SCN10A: variants seen among roughly 807,000 people sequenced by gnomAD.
SCN10A encodes the protein sodium voltage-gated channel alpha subunit 10, also known as sodium channel protein type 10 subunit alpha.
SCN10A carries 162 observed loss-of-function variants against 170.7 expected under a neutral mutation model. That is an observed-to-expected ratio of 0.95 (90% CI 0.84 to 1.08). The LOEUF is 1.08. SCN10A is among the 50% of genes least tolerant of loss of function. SCN10A has a pLI of 0.00. For synonymous variants in SCN10A, 985 were observed against 904.6 expected (o/e 1.09, Z -1.59); for missense variants, 2,527 against 2,436.9 (o/e 1.04, Z -0.78).
intron 17 of SCN10A, among the ~76,000 whole-genome samples, chr3:38,726,349 CT>C (rs1172280322): frequency 6.6e-6 from 1 of 152,186 alleles, no homozygotes; most frequent in Admixed American, 6.5e-5. Flanking sequence ...CATGGGACAG[CT>C]GTGTGAAAGA....
chr3:38,781,392 A>C (rs1322519906), intron 4 of SCN10A, among the ~76,000 whole-genome samples: 2 of 152,232 alleles, frequency 1.3e-5, no homozygotes, highest in East Asian at 3.9e-4. Context: ...AGAAAACTGC[A>C]AGGCCTGCAG....
At chr3:38,796,436 C>A (rs2064342179) in intron 1 of SCN10A, among the ~76,000 whole-genome samples, 1 of 152,076 alleles carries the variant, frequency 6.6e-6, no homozygotes, top group Admixed American at 6.6e-5. Context: ...CTAACCTATT[C>A]TCCAACAGTG....
intron 25 of SCN10A, 98 bp downstream of exon 25, chr3:38,709,380 A>G (rs2063246705): frequency 8.3e-7 from 1 of 1,200,546 alleles, no homozygotes. Context: ...GGCTGTGAGT[A>G]GTGTTGGCTT....
intron 13 of SCN10A, among the ~76,000 whole-genome samples, chr3:38,745,987 A>T (rs935032540): frequency 5.4e-5 from 8 of 148,504 alleles, no homozygotes; most frequent in Non-Finnish European, 1.2e-4. Context: ...ATCCAGTTGC[A>T]TCTTTTCAAA....
intron 20 of SCN10A, among the ~76,000 whole-genome samples, chr3:38,721,418 A>G (rs1374227655): frequency 6.6e-6 from 1 of 152,208 alleles, no homozygotes; most frequent in Non-Finnish European, 1.5e-5. Flanking sequence ...AGAAAATGCA[A>G]ACAACTGAGG....
chr3:38,787,843 C>T (rs374757251), intron 4 of SCN10A, among the ~76,000 whole-genome samples: 1 of 151,332 alleles, frequency 6.6e-6, no homozygotes, highest in African/African-American at 2.4e-5. Flanking sequence ...CTCAACAGGC[C>T]CCAGTGTGTT....
At chr3:38,781,574 C>A (rs544103213) in intron 4 of SCN10A, among the ~76,000 whole-genome samples, 2 of 152,134 alleles carry the variant, frequency 1.3e-5, no homozygotes, top group Non-Finnish European at 2.9e-5. Flanking sequence ...AGCATCTGAA[C>A]AACTTTTTGC....
At chr3:38,733,847 A>G (rs2126007349) in intron 15 of SCN10A, among the ~76,000 whole-genome samples, 1 of 151,788 alleles carries the variant, frequency 6.6e-6, no homozygotes, top group African/African-American at 2.4e-5. Flanking sequence ...CAGCCTCCCA[A>G]GTAGCTGGGA....
At chr3:38,773,151 A>C (rs2064029484) in intron 4 of SCN10A, among the ~76,000 whole-genome samples, 1 of 152,172 alleles carries the variant, frequency 6.6e-6, no homozygotes, top group Non-Finnish European at 1.5e-5. Flanking sequence ...TGGGAAATGT[A>C]CTTCTTAGTT....
intron 1 of SCN10A, among the ~76,000 whole-genome samples, chr3:38,812,446 T>C: frequency 6.6e-6 from 1 of 152,134 alleles, no homozygotes; most frequent in East Asian, 1.9e-4. Context: ...ACTGGTGATT[T>C]TTTTTTTAAT....
At chr3:38,796,204 A>G (rs565226951) in intron 1 of SCN10A, among the ~76,000 whole-genome samples, 108 of 152,266 alleles carry the variant, frequency 7.1e-4, no homozygotes, top group Admixed American at 2.2e-3. Context: ...TTTTACTGCC[A>G]TTAGCCCCAA....
intron 1 of SCN10A, among the ~76,000 whole-genome samples, chr3:38,801,038 T>C (rs188979251): frequency 6.6e-6 from 1 of 152,306 alleles, no homozygotes; most frequent in African/African-American, 2.4e-5. Flanking sequence ...GACTCAGAGC[T>C]GCTTGGTAGA....
intron 5 of SCN10A, among the ~76,000 whole-genome samples, 181 bp downstream of exon 5, chr3:38,771,098 A>C (rs1338130671): frequency 1.3e-5 from 2 of 152,128 alleles, no homozygotes; most frequent in African/African-American, 4.8e-5. Context: ...ACTTATTTAA[A>C]AGGATCTATG....
At chr3:38,730,413 G>A (rs956870534) in intron 15 of SCN10A, among the ~76,000 whole-genome samples, 5 of 152,182 alleles carry the variant, frequency 3.3e-5, no homozygotes, top group African/African-American at 1.2e-4. Flanking sequence ...GGAGGAACCT[G>A]CCTTTATCTC....
chr3:38,789,098 C>A, intron 3 of SCN10A, 62 bp from the exon 4 acceptor site: 2 of 896,666 alleles, frequency 2.2e-6, no homozygotes, highest in South Asian at 1.3e-5. Context: ...CATCTAGGAT[C>A]ACCTTGATGC....
At chr3:38,706,816 C>T (rs962170234) in intron 26 of SCN10A, among the ~76,000 whole-genome samples, 7 of 152,298 alleles carry the variant, frequency 4.6e-5, no homozygotes, top group Non-Finnish European at 8.8e-5. Flanking sequence ...ACCATGACTG[C>T]ATCTTGGATC....
At chr3:38,730,031 G>A (rs1386449885) in intron 15 of SCN10A, among the ~76,000 whole-genome samples, 3 of 152,226 alleles carry the variant, frequency 2.0e-5, no homozygotes, top group Non-Finnish European at 4.4e-5. Flanking sequence ...ACTGGTCACA[G>A]AGGCAGCTGA....
chr3:38,806,075 ATGAT>A (rs754529182), intron 1 of SCN10A, among the ~76,000 whole-genome samples: 7 of 152,168 alleles, frequency 4.6e-5, no homozygotes, highest in Non-Finnish European at 8.8e-5. Flanking sequence ...GGCTTGGTGA[ATGAT>A]TGATCTGTTT....
intron 1 of SCN10A, among the ~76,000 whole-genome samples, chr3:38,803,126 C>T (rs1463149364): frequency 2.0e-5 from 3 of 152,026 alleles, no homozygotes; most frequent in Admixed American, 1.3e-4. Flanking sequence ...GTTAGAATGG[C>T]AATCATTAAA....
Sources: allele counts gnomAD v4.1 joint callset (sites outside exome capture counted in the v4.1 genomes callset), GRCh38; gene constraint gnomAD v4.1.1; transcripts MANE v1.5; gene names NCBI Gene and HGNC (gene_info 2026-07-23, HGNC 2026-07-21).